The following DGKB variants were observed in gnomAD, a reference collection of about 807,000 sequenced individuals.
DGKB encodes diacylglycerol kinase beta.
DGKB carries 67 observed loss-of-function variants against 114.3 expected under a neutral mutation model. The ratio of observed to expected loss-of-function variants is 0.59; its 90% CI spans 0.48 to 0.72. DGKB has a LOEUF of 0.72. DGKB is among the 30% of genes least tolerant of loss of function. DGKB has a pLI of 0.00. For missense variants in DGKB, 907 were observed against 975.2 expected (o/e 0.93, Z 0.93); for synonymous variants, 398 against 323.1 (o/e 1.23, Z -2.49).
chr7:14,930,837 T>C (rs1205840889), intron 1 of DGKB, among the ~76,000 whole-genome samples: 9 of 152,164 alleles, frequency 5.9e-5, no homozygotes. Flanking sequence ...ATGTTGGTTG[T>C]GGGTTTGTTG....
chr7:14,421,015 G>T (rs191205007), intron 21 of DGKB, among the ~76,000 whole-genome samples: 15 of 152,178 alleles, frequency 9.9e-5, no homozygotes, highest in Admixed American at 5.9e-4. Context: ...TGGGCCAAGC[G>T]TGGGCCAATC....
chr7:14,818,159 A>T lies in DGKB; in HGVS notation c.70+23035T>A, dbSNP rs769912547. Among the ~76,000 whole-genome samples, 194 of 152,210 alleles carry T rather than the reference A, an allele frequency of 1.3e-3. 1 individual carries two copies. Among genetic ancestry groups the T allele is most frequent in the Non-Finnish European group, 1.9e-3 (130 of 68,030 alleles). The stretch of plus-strand genomic sequence containing the variant: ...AAGAGCCTTATACCTGTATATGCTC[A>T]CTGAAGGGGTCCCCTTAACAACTAA... On this transcript the variant is annotated intron_variant, in intron 2 of 25. Coordinates refer to ENST00000402815, the MANE Select transcript of DGKB (RefSeq NM_001350709.2).
intron 1 of DGKB, among the ~76,000 whole-genome samples, chr7:14,912,615 G>C (rs1479034437): frequency 1.3e-5 from 2 of 152,128 alleles, no homozygotes; most frequent in Non-Finnish European, 2.9e-5. Flanking sequence ...GTGTTATGTA[G>C]ATTCAGCCAC....
intron 17 of DGKB, among the ~76,000 whole-genome samples, chr7:14,593,049 C>T (rs1045290200): frequency 6.6e-6 from 1 of 151,906 alleles, no homozygotes; most frequent in Non-Finnish European, 1.5e-5. Context: ...TCTTTATAAA[C>T]CCAGTGTAAA....
intron 21 of DGKB, among the ~76,000 whole-genome samples, chr7:14,386,704 C>T (rs1347972168): frequency 1.3e-5 from 2 of 152,132 alleles, no homozygotes. Context: ...TGAACTCTAG[C>T]AAAATGGTCT....
chr7:14,856,938 C>T (rs114653326), intron 1 of DGKB, among the ~76,000 whole-genome samples: 217 of 152,222 alleles, frequency 1.4e-3, no homozygotes, highest in African/African-American at 5.1e-3. Context: ...TGAGTCACCC[C>T]TAACCTCAGC....
chr7:14,461,241 A>G (rs150860370), intron 21 of DGKB, among the ~76,000 whole-genome samples: 3,971 of 152,254 alleles, frequency 0.026, 192 homozygotes, highest in African/African-American at 0.09. Context: ...GACAAGAAAT[A>G]GCTAAGATGA....
intron 13 of DGKB, among the ~76,000 whole-genome samples, chr7:14,645,178 T>G (rs1484589061): frequency 6.6e-6 from 1 of 152,128 alleles, no homozygotes; most frequent in Admixed American, 6.5e-5. Context: ...AGACTCAGAC[T>G]CACAAATGGC....
At chr7:14,851,169 G>A (rs1285501511) in intron 1 of DGKB, among the ~76,000 whole-genome samples, 1 of 152,142 alleles carries the variant, frequency 6.6e-6, no homozygotes. Flanking sequence ...TTTTAGAGGA[G>A]TATGTGGGTG....
At chr7:14,750,355 T>A (rs1314882825) in intron 4 of DGKB, among the ~76,000 whole-genome samples, 2 of 152,212 alleles carry the variant, frequency 1.3e-5, no homozygotes, top group Admixed American at 6.5e-5. Context: ...AAATAAGGTA[T>A]AACAATTAAA....
chr7:14,704,023 T>C (rs1218110788), intron 6 of DGKB, among the ~76,000 whole-genome samples: 1 of 151,870 alleles, frequency 6.6e-6, no homozygotes, highest in Non-Finnish European at 1.5e-5. Flanking sequence ...GAATTCTTAC[T>C]AACAAATCAG....
At chr7:14,150,369 C>T (rs954534325) in intron 25 of DGKB, among the ~76,000 whole-genome samples, 1 of 152,116 alleles carries the variant, frequency 6.6e-6, no homozygotes. Context: ...ATATCCTTCA[C>T]TTGTCATTCA....
chr7:14,545,881 C>A (rs1204846889), intron 20 of DGKB, among the ~76,000 whole-genome samples: 1 of 152,154 alleles, frequency 6.6e-6, no homozygotes, highest in Non-Finnish European at 1.5e-5. Context: ...GAAGAAGAGA[C>A]AATTATCATG....
At chr7:14,502,050 T>C (rs1262895781) in intron 20 of DGKB, among the ~76,000 whole-genome samples, 4 of 151,992 alleles carry the variant, frequency 2.6e-5, no homozygotes, top group African/African-American at 9.7e-5. Flanking sequence ...CCATTATTTT[T>C]TTCCCTACTT....
rs565960145 is a variant in DGKB at position 14,477,980 on chromosome 7, C to A, written c.1835+181G>T. On this transcript the variant is annotated intron_variant, in intron 21 of 25. Transcript: ENST00000402815. ...TGCATTCCTCATTATAGTTTCATCA[C>A]AACCTAAGAAAAATTTAATTCATTT... Among the ~76,000 whole-genome samples, 4 of 151,992 alleles carry A rather than the reference C, an allele frequency of 2.6e-5. No individual in the cohort carries two copies. In the South Asian group the frequency reaches 6.2e-4, roughly 24 times the overall value.
At chr7:14,186,430 T>A (rs1783444290) in intron 23 of DGKB, among the ~76,000 whole-genome samples, 1 of 152,188 alleles carries the variant, frequency 6.6e-6, no homozygotes, top group South Asian at 2.1e-4. Context: ...GAATGTAAAC[T>A]AGCACAGCCA....
At chr7:14,470,593 T>C (rs1432728997) in intron 21 of DGKB, among the ~76,000 whole-genome samples, 1 of 151,804 alleles carries the variant, frequency 6.6e-6, no homozygotes, top group South Asian at 2.1e-4. Context: ...AAAACATGAA[T>C]TCCTACAAAT....
chr7:14,667,227 T>C (rs1818199982), intron 13 of DGKB, among the ~76,000 whole-genome samples: 1 of 151,998 alleles, frequency 6.6e-6, no homozygotes, highest in African/African-American at 2.4e-5. Context: ...TACAAATTTT[T>C]TTTAATGACC....
chr7:14,535,095 C>T (rs1792211572), intron 20 of DGKB, among the ~76,000 whole-genome samples: 1 of 152,078 alleles, frequency 6.6e-6, no homozygotes, highest in Non-Finnish European at 1.5e-5. Flanking sequence ...AATGGCAAGG[C>T]ACAGTGGCTC....
Sources: allele counts gnomAD v4.1 joint callset (sites outside exome capture counted in the v4.1 genomes callset), GRCh38; gene constraint gnomAD v4.1.1; transcripts MANE v1.5; gene names NCBI Gene and HGNC (gene_info 2026-07-23, HGNC 2026-07-21).